The following ARMH3 variants were observed in gnomAD, a reference collection of about 807,000 sequenced individuals.
ARMH3 encodes the protein armadillo-like helical domain-containing protein 3.
Under a neutral mutation model 99.1 loss-of-function variants are expected in ARMH3, and 60 were observed. The ratio of observed to expected loss-of-function variants is 0.61; its 90% CI spans 0.49 to 0.75. The LOEUF (loss-of-function observed/expected upper bound fraction) is 0.75. ARMH3 is among the 30% of genes least tolerant of loss of function. The pLI, the probability that ARMH3 is intolerant of heterozygous loss-of-function variation, is 0.00. For missense variants in ARMH3, 679 were observed against 843.1 expected, an observed-to-expected ratio of 0.81 and a Z score of 2.41; for synonymous variants, 285 against 292.8, an observed-to-expected ratio of 0.97 and a Z score of 0.27.
intron 22 of ARMH3, among the ~76,000 whole-genome samples, chr10:101,950,594 C>A (rs1040343470): frequency 6.6e-6 from 1 of 152,118 alleles, no homozygotes; most frequent in Admixed American, 6.5e-5. Context: ...TATATCCATA[C>A]AATGTAATAT....
chr10:101,910,515 A>G (rs1369856163), intron 23 of ARMH3, among the ~76,000 whole-genome samples: 2 of 150,466 alleles, frequency 1.3e-5, no homozygotes, highest in Non-Finnish European at 3.0e-5. Flanking sequence ...AGATCACTTG[A>G]GGTCAGGAGT....
At chr10:101,964,937 C>A (rs1845468914) in intron 20 of ARMH3, among the ~76,000 whole-genome samples, 1 of 151,918 alleles carries the variant, frequency 6.6e-6, no homozygotes, top group South Asian at 2.1e-4. Flanking sequence ...CACTTGAACC[C>A]AGAGGCGGAA....
At chr10:101,879,912 A>T (rs1458354113) in intron 24 of ARMH3, among the ~76,000 whole-genome samples, 1 of 152,192 alleles carries the variant, frequency 6.6e-6, no homozygotes, top group African/African-American at 2.4e-5. Context: ...ACTGAGGATA[A>T]GCAGCTTGTA....
chr10:101,896,543 A>C (rs2067840786), intron 23 of ARMH3, among the ~76,000 whole-genome samples: 1 of 152,180 alleles, frequency 6.6e-6, no homozygotes, highest in African/African-American at 2.4e-5. Flanking sequence ...AGAAAACATG[A>C]ACTGTACACT....
chr10:102,029,747 T>C lies in ARMH3; in HGVS notation c.307-2A>G, dbSNP rs777053042. 49 of 1,608,160 alleles carry C rather than the reference T, an allele frequency of 3.0e-5. No homozygotes were observed. Among genetic ancestry groups the C allele is most frequent in the Non-Finnish European group, 3.4e-6 (4 of 1,175,330 alleles). On this transcript the variant is annotated splice_acceptor_variant, in intron 4 of 25. Transcript: ENST00000370033. LOFTEE classifies it high-confidence loss of function. ...TCCTCGAATGAGTGCGCACAGGGTC[T>C]GCAGAAATGAGAGAAAGAATTCTTT...
chr10:101,847,507 G>A lies in ARMH3; in HGVS notation c.*21C>T. On this transcript the variant is annotated 3_prime_UTR_variant, in exon 26 of 26. Transcript: ENST00000370033. ...TCCTCATGGGTAAGGGCAGTCAGAG[G>A]CTGCTCAGGTAGGCGTGGCCTCAGG... is the stretch of plus-strand genomic sequence containing the variant. 1 of 1,609,056 alleles carries A rather than the reference G, an allele frequency of 6.2e-7. No homozygotes were observed. Among genetic ancestry groups the A allele is most frequent in the Admixed American group, 1.7e-5 (1 of 60,024 alleles).
intron 22 of ARMH3, among the ~76,000 whole-genome samples, chr10:101,947,837 A>AAATAAACC (rs397958242): frequency 1.3e-5 from 2 of 151,252 alleles, no homozygotes; most frequent in Admixed American, 6.6e-5. Context: ...ATAAATAAAT[A>AAATAAACC]GACCCTATAT....
At chr10:102,027,118 C>T (rs1277661532) in intron 5 of ARMH3, among the ~76,000 whole-genome samples, 5 of 151,866 alleles carry the variant, frequency 3.3e-5, no homozygotes, top group African/African-American at 9.7e-5. Flanking sequence ...GTCTCTACTA[C>T]AAATACAAAA....
At chr10:101,870,601 T>C (rs2067110616) in intron 24 of ARMH3, among the ~76,000 whole-genome samples, 1 of 152,202 alleles carries the variant, frequency 6.6e-6, no homozygotes, top group African/African-American at 2.4e-5. Context: ...GTATAAATTC[T>C]TCCCACAAAG....
intron 20 of ARMH3, among the ~76,000 whole-genome samples, chr10:101,964,384 C>A (rs1229595103): frequency 6.6e-6 from 1 of 152,016 alleles, no homozygotes; most frequent in Admixed American, 6.6e-5. Flanking sequence ...CACACAATCT[C>A]AAAAAAACAA....
Position 102,002,055 on chromosome 10 carries a change from G to T in ARMH3, c.1066C>A (p.Leu356Ile), listed in dbSNP as rs765400485. ...GTCTGTACATCTGCATCCAGTGGGA[G>T]TTCCACAGAACTTATAACTGGAATA... ...PSSDVISSVE[L>I]PLDADVQTSN... Residue 356 changes from leucine to isoleucine, a missense_variant, in exon 15 of 26, where the codon CTC becomes ATC. Leu to Ile is a conservative substitution (Grantham distance 5). Transcript: ENST00000370033. The T allele has an allele frequency of 6.2e-7, 1 of 1,614,058 alleles. No individual in the cohort carries two copies. Among genetic ancestry groups the T allele is most frequent in the Non-Finnish European group, 8.5e-7 (1 of 1,180,004 alleles).
At chr10:101,891,696 A>G (rs1357548105) in intron 23 of ARMH3, among the ~76,000 whole-genome samples, 2 of 152,248 alleles carry the variant, frequency 1.3e-5, no homozygotes, top group Non-Finnish European at 2.9e-5. Flanking sequence ...GTGTTGATAC[A>G]TGTACCTTGG....
At chr10:102,051,914 C>A (rs2067716363) in intron 1 of ARMH3, among the ~76,000 whole-genome samples, 1 of 152,190 alleles carries the variant, frequency 6.6e-6, no homozygotes. Context: ...TTATCCTACA[C>A]AAGAAGGAAG....
intron 22 of ARMH3, among the ~76,000 whole-genome samples, chr10:101,951,367 C>T (rs1258944686): frequency 2.0e-5 from 3 of 151,926 alleles, no homozygotes; most frequent in African/African-American, 4.8e-5. Flanking sequence ...CCCAAGAGTT[C>T]GAGACCTGCC....
intron 5 of ARMH3, among the ~76,000 whole-genome samples, chr10:102,027,770 C>G (rs1365597327): frequency 1.3e-5 from 2 of 151,828 alleles, no homozygotes; most frequent in South Asian, 2.1e-4. Context: ...AAAAATAACT[C>G]TAAGTATTAA....
intron 24 of ARMH3, among the ~76,000 whole-genome samples, chr10:101,866,395 A>C (rs1386946622): frequency 2.0e-5 from 3 of 151,924 alleles, no homozygotes; most frequent in Non-Finnish European, 4.4e-5. Context: ...GAAGAGGCTG[A>C]ATTGCTTGAT....
intron 10 of ARMH3, 152 bp from the exon 11 acceptor site, chr10:102,011,935 G>T: frequency 3.3e-6 from 2 of 612,396 alleles, no homozygotes; most frequent in Non-Finnish European, 5.6e-6. Context: ...GACAATCCCT[G>T]CAAGCTAAGA....
At chr10:101,901,956 T>C (rs2067991446) in intron 23 of ARMH3, among the ~76,000 whole-genome samples, 1 of 152,206 alleles carries the variant, frequency 6.6e-6, no homozygotes, top group Non-Finnish European at 1.5e-5. Context: ...CTAGGGAACA[T>C]CGCTTTTCTA....
intron 8 of ARMH3, among the ~76,000 whole-genome samples, chr10:102,014,412 T>C (rs2066698394): frequency 6.6e-6 from 1 of 152,252 alleles, no homozygotes. Context: ...GATAGCTGTC[T>C]TTTGGGGAAC....
Sources: allele counts gnomAD v4.1 joint callset (sites outside exome capture counted in the v4.1 genomes callset), GRCh38; gene constraint gnomAD v4.1.1; transcripts MANE v1.5; gene names NCBI Gene and HGNC (gene_info 2026-07-23, HGNC 2026-07-21).